Variants in TBC1D5 observed in about 807,000 individuals in gnomAD.
TBC1D5 encodes TBC1 domain family member 5.
A neutral mutation model predicts 100.3 loss-of-function variants in TBC1D5; 75 were observed. The observed-to-expected ratio is 0.75, with a 90% confidence interval of 0.62 to 0.91. The LOEUF (loss-of-function observed/expected upper bound fraction) is 0.91, where lower values mean the gene tolerates loss of function less well. Among genes scored for constraint, TBC1D5 ranks in the 40% least tolerant of loss-of-function variants. The probability of loss-of-function intolerance (pLI) is 0.00; values close to 1 mark genes in which losing one functional copy is unlikely to be tolerated. For missense variants in TBC1D5, 910 were observed against 942.4 expected (o/e 0.97, Z 0.45); for synonymous variants, 323 against 325.6 (o/e 0.99, Z 0.09).
chr3:17,290,163 A>G (rs535801584), intron 15 of TBC1D5, among the ~76,000 whole-genome samples: 141 of 152,306 alleles, frequency 9.3e-4, no homozygotes, highest in African/African-American at 3.4e-3. Context: ...CTGAATGTGA[A>G]GGTGGGGAAT....
intron 15 of TBC1D5, among the ~76,000 whole-genome samples, chr3:17,291,083 C>T (rs1182834830): frequency 6.6e-6 from 1 of 152,184 alleles, no homozygotes; most frequent in African/African-American, 2.4e-5. Context: ...AGAGACAGTT[C>T]GACAACTGCC....
intron 16 of TBC1D5, among the ~76,000 whole-genome samples, chr3:17,250,628 A>G (rs2077098741): frequency 6.6e-6 from 1 of 152,206 alleles, no homozygotes; most frequent in Admixed American, 6.5e-5. Flanking sequence ...ATTTTCCTAT[A>G]ACGGGAAATG....
chr3:17,332,373 C>T (rs1340354171), intron 13 of TBC1D5, among the ~76,000 whole-genome samples: 1 of 152,072 alleles, frequency 6.6e-6, no homozygotes, highest in African/African-American at 2.4e-5. Flanking sequence ...AGGAGAAAAT[C>T]AATAATGCAG....
chr3:17,682,990 T>A (rs142197319), intron 1 of TBC1D5, among the ~76,000 whole-genome samples: 1 of 151,460 alleles, frequency 6.6e-6, no homozygotes, highest in Non-Finnish European at 1.5e-5. Context: ...CCCTCTGTCT[T>A]AAAGTAGAAA....
intron 9 of TBC1D5, among the ~76,000 whole-genome samples, chr3:17,379,089 GCTC>G (rs2092827140): frequency 6.7e-6 from 1 of 149,258 alleles, no homozygotes; most frequent in Non-Finnish European, 1.5e-5. Flanking sequence ...CCTATTTTCT[GCTC>G]CTTTTTTTTT....
At chr3:17,704,122 T>C (rs1179885785) in intron 1 of TBC1D5, among the ~76,000 whole-genome samples, 6 of 142,584 alleles carry the variant, frequency 4.2e-5, no homozygotes, top group African/African-American at 1.6e-4. Flanking sequence ...TGGTGATGAC[T>C]CTTAACGAGC....
In TBC1D5 at chr3:17,438,086, T is replaced by G. The variant is rs530919139; in HGVS notation, c.98-9567A>C. On this transcript the variant is annotated intron_variant, in intron 3 of 21. Coordinates refer to ENST00000253692, the Ensembl canonical transcript of TBC1D5. Reference sequence around the variant, plus strand: ...TGCAGGCTCCAGATGTTAAGCACAATGCTACTAATGGCCTCTGAGGTTCTA... The same window carrying G: ...TGCAGGCTCCAGATGTTAAGCACAAGGCTACTAATGGCCTCTGAGGTTCTA... 3.9e-5 allele frequency among the ~76,000 whole-genome samples: 6 copies of G among 152,306 alleles called. No homozygotes were observed. The South Asian group carries it at 1.0e-3, about 26-fold the overall frequency.
At chr3:17,651,942 C>T (rs1278030728) in intron 1 of TBC1D5, among the ~76,000 whole-genome samples, 1 of 152,084 alleles carries the variant, frequency 6.6e-6, no homozygotes, top group East Asian at 1.9e-4. Context: ...ATGCAGAGGA[C>T]ATCGGATCTT....
intron 18 of TBC1D5, among the ~76,000 whole-genome samples, chr3:17,200,275 T>C (rs988752438): frequency 1.3e-5 from 2 of 152,208 alleles, no homozygotes; most frequent in African/African-American, 4.8e-5. Context: ...CACTGTACTA[T>C]AGTTCAGGGG....
chr3:17,580,865 C>T (rs1007862020), intron 2 of TBC1D5, among the ~76,000 whole-genome samples: 2 of 152,140 alleles, frequency 1.3e-5, no homozygotes, highest in African/African-American at 2.4e-5. Flanking sequence ...CTACTAATTC[C>T]TCTTTTTCTC....
At chr3:17,403,069 G>T in intron 8 of TBC1D5, 112 bp downstream of exon 8, 1 of 824,496 alleles carries the variant, frequency 1.2e-6, no homozygotes, top group Non-Finnish European at 1.9e-6. Flanking sequence ...ATTAACACAA[G>T]TAGAATACTG....
intron 15 of TBC1D5, among the ~76,000 whole-genome samples, chr3:17,285,049 G>A (rs1160520196): frequency 1.3e-5 from 2 of 150,312 alleles, no homozygotes; most frequent in Non-Finnish European, 3.0e-5. Context: ...GAAATGCCCA[G>A]TTTTGGGAGT....
intron 2 of TBC1D5, among the ~76,000 whole-genome samples, chr3:17,549,344 C>G (rs1261049099): frequency 6.6e-6 from 1 of 152,090 alleles, no homozygotes; most frequent in Non-Finnish European, 1.5e-5. Context: ...TTGGCAATTT[C>G]TTTTCTATAT....
chr3:17,161,142 G>A, exon 22 of TBC1D5: 2 of 1,614,210 alleles, frequency 1.2e-6, no homozygotes, highest in African/African-American at 1.3e-5. Flanking sequence ...GTGCGAAGAG[G>A]CTGGGCCTGG....
intron 16 of TBC1D5, among the ~76,000 whole-genome samples, chr3:17,255,905 G>A (rs530366326): frequency 6.6e-6 from 1 of 152,080 alleles, no homozygotes; most frequent in Non-Finnish European, 1.5e-5. Context: ...GCGTGGCAGC[G>A]TGCGCCTGTA....
At chr3:17,313,977 CTCTCTTCTT>C (rs1462883252) in intron 13 of TBC1D5, among the ~76,000 whole-genome samples, 2 of 152,162 alleles carry the variant, frequency 1.3e-5, no homozygotes, top group African/African-American at 2.4e-5. Flanking sequence ...ATCACTGGCC[CTCTCTTCTT>C]TCTCTTCTTT....
At chr3:17,447,385 TAA>T (rs746539723) in intron 3 of TBC1D5, among the ~76,000 whole-genome samples, 1 of 152,072 alleles carries the variant, frequency 6.6e-6, no homozygotes, top group Non-Finnish European at 1.5e-5. Flanking sequence ...GTTGAATATA[TAA>T]GAGTTGAGAG....
intron 1 of TBC1D5, among the ~76,000 whole-genome samples, chr3:17,730,661 GTAAA>G (rs1305536227): frequency 6.6e-6 from 1 of 152,112 alleles, no homozygotes; most frequent in Non-Finnish European, 1.5e-5. Context: ...AAAATCATGA[GTAAA>G]TAAATATTAC....
intron 14 of TBC1D5, among the ~76,000 whole-genome samples, chr3:17,297,979 G>C (rs775970821): frequency 6.6e-6 from 1 of 152,054 alleles, no homozygotes; most frequent in Non-Finnish European, 1.5e-5. Flanking sequence ...TTCTACCTCC[G>C]CATCTGTAAA....
Sources: gnomAD v4.1 joint callset for allele counts (sites outside exome capture counted in the v4.1 genomes callset) on GRCh38, gnomAD v4.1.1 for gene constraint, MANE v1.5 for transcripts, NCBI Gene and HGNC (gene_info 2026-07-23, HGNC 2026-07-21) for gene names.